Variants in SNX29 observed in about 807,000 individuals in gnomAD.
The protein encoded by SNX29 is sorting nexin 29, also known as sorting nexin-29.
In SNX29, 78 loss-of-function variants were observed where a neutral mutation model predicts 102.1. That is an observed-to-expected ratio of 0.76 (90% CI 0.64 to 0.92). The LOEUF (loss-of-function observed/expected upper bound fraction) is 0.92, where lower values mean the gene tolerates loss of function less well. Among genes scored for constraint, SNX29 ranks in the 40% least tolerant of loss-of-function variants. The pLI is 0.00. For synonymous variants in SNX29, 580 were observed against 414.5 expected, an observed-to-expected ratio of 1.40 and a Z score of -4.85; for missense variants, 1,280 against 1,061.7, an observed-to-expected ratio of 1.21 and a Z score of -2.86.
At chr16:12,195,348 A>G (rs2076747471) in intron 13 of SNX29, among the ~76,000 whole-genome samples, 1 of 152,332 alleles carries the variant, frequency 6.6e-6, no homozygotes, top group Non-Finnish European at 1.5e-5. Flanking sequence ...CCTCATGCAT[A>G]TGGTTTTGAG....
At chr16:12,326,515 C>G (rs1336838546) in intron 15 of SNX29, among the ~76,000 whole-genome samples, 9 of 152,064 alleles carry the variant, frequency 5.9e-5, no homozygotes, top group African/African-American at 2.2e-4. Context: ...ATCTGCTCAG[C>G]TCTGCCGGTG....
At chr16:12,036,385 A>C (rs1201959203) in intron 4 of SNX29, among the ~76,000 whole-genome samples, 3 of 130,810 alleles carry the variant, frequency 2.3e-5, no homozygotes, top group Non-Finnish European at 3.1e-5. Context: ...CCCAGGCTGG[A>C]GTGCAGTGGC....
intron 20 of SNX29, among the ~76,000 whole-genome samples, chr16:12,563,507 C>T (rs1186316301): frequency 1.3e-5 from 2 of 152,190 alleles, no homozygotes; most frequent in African/African-American, 4.8e-5. Flanking sequence ...CGGGGAGACT[C>T]CTCCCCGCAT....
rs1019631594 is a variant in SNX29, at chr16:12,572,910, C to T, written c.*4281C>T. 17 of 1,006,542 alleles carry T rather than the reference C, an allele frequency of 1.7e-5. No individual in the cohort carries two copies. The highest frequency in any genetic ancestry group is 1.9e-5 in the Non-Finnish European group (16 of 826,450). The allele number at this position is 1,006,542 out of a possible 1,614,324, so 62.4% of individuals were successfully genotyped here. A position where few individuals can be genotyped will look rare whatever the true frequency, so the allele number is the denominator to read the frequency against. The stretch of plus-strand genomic sequence containing the variant: ...CTTGGCATTTCGCTCGGAATCACGG[C>T]AGACTTGGAGTGTTTCTTCAAGGCA... On this transcript the variant is annotated 3_prime_UTR_variant, in exon 21 of 21. Transcript: ENST00000566228.
chr16:12,525,528 C>T (rs1160954404), intron 20 of SNX29, among the ~76,000 whole-genome samples: 3 of 151,796 alleles, frequency 2.0e-5, no homozygotes, highest in Non-Finnish European at 4.4e-5. Flanking sequence ...CAAAAATTAG[C>T]CAGCCGTGCA....
intron 15 of SNX29, among the ~76,000 whole-genome samples, chr16:12,343,334 C>T (rs1472108233): frequency 2.0e-5 from 3 of 152,190 alleles, no homozygotes; most frequent in Non-Finnish European, 4.4e-5. Context: ...GTTAGCTTCA[C>T]GGTACTAAAT....
At position 12,347,091 on chromosome 16, in the gene SNX29, T is replaced by C. The variant is rs74373720; in HGVS notation, c.1783-9072T>C. Among the ~76,000 whole-genome samples the C allele has an allele frequency of 1.9e-3, 290 of 152,348 alleles. 1 individual carries two copies. The highest frequency in any genetic ancestry group is 1.8e-3 in the Non-Finnish European group (121 of 68,034). ...GATGTGTGTAAGCATTACCTCTTGC[T>C]ATCTCAGTGTTCTGAGTGCTGAGGG... On this transcript the variant is annotated intron_variant, in intron 15 of 20. Coordinates refer to ENST00000566228, the MANE Select transcript of SNX29 (RefSeq NM_032167.5).
chr16:12,374,497 G>C (rs1343670197), intron 16 of SNX29: 1 of 152,326 alleles, frequency 6.6e-6, no homozygotes, highest in East Asian at 1.9e-4. Context: ...TGATCGTAGA[G>C]TGATGTTAGA....
chr16:12,573,118 A>G lies in SNX29; in HGVS notation c.*4489A>G, dbSNP rs1041603606. ...CATCTTTATGTTTTTCTAATACACA[A>G]TCTTGATCTTGTTTCCAAAATAAAG... On this transcript the variant is annotated 3_prime_UTR_variant, in exon 21 of 21. Coordinates refer to ENST00000566228, the MANE Select transcript of SNX29 (RefSeq NM_032167.5). 1.3e-5 allele frequency: 3 copies of G among 229,222 alleles called. No individual in the cohort carries two copies. The highest frequency in any genetic ancestry group is 1.3e-4 in the East Asian group (2 of 15,976). 14.2% of individuals were successfully genotyped at this position (229,222 alleles called of 1,614,324 possible).
chr16:12,364,416 C>CT (rs1163569342), intron 16 of SNX29, among the ~76,000 whole-genome samples: 1,151 of 98,760 alleles, frequency 0.012, 8 homozygotes, highest in Non-Finnish European at 0.015. Context: ...CTCTCTTCTT[C>CT]TTTTTTTTTT....
intron 20 of SNX29, among the ~76,000 whole-genome samples, chr16:12,566,740 C>G (rs1195503064): frequency 6.6e-6 from 1 of 152,148 alleles, no homozygotes; most frequent in Admixed American, 6.5e-5. Flanking sequence ...TTGCTTTGGG[C>G]CTGCAGCCAG....
intron 19 of SNX29, among the ~76,000 whole-genome samples, chr16:12,498,626 T>A (rs1051834444): frequency 6.6e-6 from 1 of 152,136 alleles, no homozygotes; most frequent in Admixed American, 6.5e-5. Context: ...GCTTACAATT[T>A]TTGAGTGGGA....
At chr16:12,544,540 A>T (rs1260661039) in intron 20 of SNX29, among the ~76,000 whole-genome samples, 1 of 152,198 alleles carries the variant, frequency 6.6e-6, no homozygotes, top group South Asian at 2.1e-4. Context: ...GCCTAGGAAC[A>T]TTCTCTGGAA....
chr16:12,127,149 C>T (rs1487483092), intron 12 of SNX29, among the ~76,000 whole-genome samples: 3 of 151,680 alleles, frequency 2.0e-5, no homozygotes, highest in Non-Finnish European at 4.4e-5. Flanking sequence ...ATCCCAGCTA[C>T]TCAGGAGGCT....
At chr16:12,042,112 C>G (rs1222163580) in intron 4 of SNX29, among the ~76,000 whole-genome samples, 2 of 152,168 alleles carry the variant, frequency 1.3e-5, no homozygotes. Flanking sequence ...CTCACTGCAA[C>G]CTCCGCCTCC....
chr16:12,254,831 A>G (rs563120949), intron 14 of SNX29, among the ~76,000 whole-genome samples: 2 of 152,310 alleles, frequency 1.3e-5, no homozygotes, highest in South Asian at 2.1e-4. Flanking sequence ...GGCATTGTCA[A>G]GACCTAGCCA....
intron 18 of SNX29, among the ~76,000 whole-genome samples, chr16:12,465,311 C>T (rs978192611): frequency 8.5e-5 from 13 of 152,326 alleles, no homozygotes; most frequent in African/African-American, 2.9e-4. Context: ...TGTCTACAAG[C>T]TCATTCCCTA....
At chr16:12,339,915 C>T (rs972764025) in intron 15 of SNX29, among the ~76,000 whole-genome samples, 1 of 152,108 alleles carries the variant, frequency 6.6e-6, no homozygotes, top group African/African-American at 2.4e-5. Flanking sequence ...TGGTCAGCTT[C>T]CCCAGATCAC....
At chr16:12,263,156 G>T (rs1234818348) in intron 14 of SNX29, among the ~76,000 whole-genome samples, 4 of 146,868 alleles carry the variant, frequency 2.7e-5, no homozygotes, top group South Asian at 4.3e-4. Flanking sequence ...TTTTGAGACA[G>T]GATCTCACTC....
Sources: allele counts gnomAD v4.1 joint callset (sites outside exome capture counted in the v4.1 genomes callset), GRCh38; gene constraint gnomAD v4.1.1; transcripts MANE v1.5; gene names NCBI Gene and HGNC (gene_info 2026-07-23, HGNC 2026-07-21).